Variants in CFAP52 observed in about 807,000 individuals in gnomAD.
CFAP52 encodes cilia- and flagella-associated protein 52.
In CFAP52, 57 loss-of-function variants were observed where a neutral mutation model predicts 70.5. The ratio of observed to expected loss-of-function variants is 0.81; its 90% confidence interval spans 0.65 to 1.01. The LOEUF is 1.01. Among genes scored for constraint, CFAP52 ranks in the 50% least tolerant of loss-of-function variants. The probability of loss-of-function intolerance (pLI) is 0.00; values close to 1 mark genes in which losing one functional copy is unlikely to be tolerated. For missense variants in CFAP52, 785 were observed against 788.5 expected (o/e 1.00, Z 0.05); for synonymous variants, 267 against 292.5 (o/e 0.91, Z 0.89).
intron 7 of CFAP52, 76 bp from the exon 8 acceptor site, chr17:9,612,233 T>C: frequency 2.0e-6 from 3 of 1,535,456 alleles, no homozygotes. Flanking sequence ...ATTTGTATCC[T>C]CTGCCATGCT....
At chr17:9,579,631 G>C (rs187351706) in intron 1 of CFAP52, among the ~76,000 whole-genome samples, 1 of 152,164 alleles carries the variant, frequency 6.6e-6, no homozygotes, top group Non-Finnish European at 1.5e-5. Flanking sequence ...GCAGTGGTGC[G>C]ATCTCAGCTC....
rs1279142706 is a variant in CFAP52 at position 9,628,725 on chromosome 17, A to T, written c.1079A>T (p.His360Leu). The change falls in exon 9 of 14, where the codon CAC (histidine) becomes CTC (leucine). Residue 360 changes from histidine to leucine, a missense_variant. Physicochemically the swap from His to Leu is moderately conservative, Grantham distance 99. Transcript: ENST00000352665. ...TCAKKDIRVWHTSSNRELLRI... is the reference protein window; with the variant it reads ...TCAKKDIRVWLTSSNRELLRI... The stretch of plus-strand genomic sequence containing the variant: ...GCCAAGAAGGATATCAGGGTGTGGC[A>T]CACATCATCCAACAGGGAGCTGCTG... 6.2e-7 allele frequency: 1 copy of T among 1,614,060 alleles called. No homozygotes were observed. Among genetic ancestry groups the T allele is most frequent in the Non-Finnish European group, 8.5e-7 (1 of 1,180,048 alleles).
rs55849704 is a variant in CFAP52, at chr17:9,626,933, C to T, written c.1026-1739C>T. Among the ~76,000 whole-genome samples, 457 of 152,224 alleles carry T rather than the reference C, an allele frequency of 3.0e-3. 5 individuals are homozygous for T. The highest frequency in any genetic ancestry group is 0.01 in the Middle Eastern group (3 of 294). ...TGTTCATGAAAAAATGTAGACATTG[C>T]TTGAGATGTACTGAAATCTAAAAAT... On this transcript the variant is annotated intron_variant, in intron 8 of 13. Transcript: ENST00000352665.
At chr17:9,645,440 G>C (rs1911292124), downstream of CFAP52, 1 of 377,570 alleles carries the variant, frequency 2.6e-6, no homozygotes. This position sits in a 1 kb window ranked among gnomAD's most constrained non-coding sequence, Gnocchi z 6.8. Context: ...TGCCCTGGAG[G>C]GGGCTGGTCG....
chr17:9,638,889 C>T, intron 12 of CFAP52, 178 bp downstream of exon 12: 1 of 608,774 alleles, frequency 1.6e-6, no homozygotes, highest in South Asian at 2.0e-5. Context: ...CACTTCCCCA[C>T]CTGTTAAGTG....
chr17:9,587,508 T>C lies in CFAP52; in HGVS notation c.407+674T>C, dbSNP rs924722966. ...CCAACAGTACCTAAGCATTCCCTTT[T>C]CTTTGCAACCTCACCAGCATCTGTT... On this transcript the variant is annotated intron_variant, in intron 3 of 13. Coordinates refer to ENST00000352665, the MANE Select transcript of CFAP52 (RefSeq NM_145054.5). 6.6e-5 allele frequency among the ~76,000 whole-genome samples: 10 copies of C among 152,240 alleles called. 1 individual carries two copies. Among genetic ancestry groups the C allele is most frequent in the Non-Finnish European group, 1.2e-4 (8 of 68,044 alleles).
chr17:9,595,685 A>G (rs1010456048), intron 4 of CFAP52, among the ~76,000 whole-genome samples: 40 of 152,072 alleles, frequency 2.6e-4, no homozygotes, highest in Admixed American at 1.6e-3. Flanking sequence ...TCTGCATTCT[A>G]TGTCTGGTTT....
chr17:9,644,130 G>A (rs896847911), downstream of CFAP52, among the ~76,000 whole-genome samples: 1 of 152,302 alleles, frequency 6.6e-6, no homozygotes, highest in East Asian at 1.9e-4. Context: ...TTTTGAGACG[G>A]AATTTAGCTC....
Position 9,635,466 on chromosome 17 carries a change from A to G in CFAP52, c.1382A>G (p.Lys461Arg). 3 of 1,614,180 alleles carry G rather than the reference A, an allele frequency of 1.9e-6. No homozygotes were observed. Among genetic ancestry groups the G allele is most frequent in the Non-Finnish European group, 2.5e-6 (3 of 1,180,032 alleles). The change falls in exon 11 of 14, where the codon AAG becomes AGG. Residue 461 changes from lysine (K) to arginine (R), a missense_variant. Coordinates refer to ENST00000352665, the MANE Select transcript of CFAP52 (RefSeq NM_145054.5). Reference protein sequence around the residue: ...QKLEEALKEHKSSVSCIRVKR... With the variant: ...QKLEEALKEHRSSVSCIRVKR... ...CTGGAGGAGGCCCTGAAGGAACACA[A>G]GTCATCAGTGTCCTGCATTAGGGTG... is the stretch of plus-strand genomic sequence containing the variant.
chr17:9,624,494 G>A (rs1307170391), intron 8 of CFAP52, among the ~76,000 whole-genome samples: 1 of 151,896 alleles, frequency 6.6e-6, no homozygotes, highest in African/African-American at 2.4e-5. Context: ...ACCTATAGAA[G>A]AATATATAAT....
chr17:9,630,554 C>T lies in CFAP52; in HGVS notation c.1174+1734C>T, dbSNP rs377246653. On this transcript the variant is annotated intron_variant, in intron 9 of 13. Coordinates refer to ENST00000352665, the MANE Select transcript of CFAP52 (RefSeq NM_145054.5). ...ACGCCATTCTCCTGCCTCAGCCTCC[C>T]GAGTAGCTGGGACTACAGGCGCCCG... Among the ~76,000 whole-genome samples the T allele has an allele frequency of 6.7e-5, 10 of 149,830 alleles. 1 individual carries two copies. Among genetic ancestry groups the T allele is most frequent in the African/African-American group, 2.2e-4 (9 of 40,760 alleles).
intron 8 of CFAP52, among the ~76,000 whole-genome samples, chr17:9,622,552 A>AAAG (rs1555543657): frequency 0.015 from 2,309 of 151,422 alleles, 45 homozygotes; most frequent in African/African-American, 0.039. Flanking sequence ...ATTAAAAAAA[A>AAAG]AAGAAGAAGA....
intron 1 of CFAP52, among the ~76,000 whole-genome samples, chr17:9,578,493 T>C (rs1908068298): frequency 6.6e-6 from 1 of 152,224 alleles, no homozygotes; most frequent in Non-Finnish European, 1.5e-5. Context: ...ATTGCTTATC[T>C]CAAGATAAGT....
intron 12 of CFAP52, among the ~76,000 whole-genome samples, chr17:9,639,477 G>T (rs1910962902): frequency 6.6e-6 from 1 of 151,870 alleles, no homozygotes. Context: ...CCCAGCTAAA[G>T]AGGAAGGTGA....
At chr17:9,584,758 A>G (rs1322780722) in intron 1 of CFAP52, among the ~76,000 whole-genome samples, 1 of 151,884 alleles carries the variant, frequency 6.6e-6, no homozygotes, top group Non-Finnish European at 1.5e-5. Flanking sequence ...AGTAGCTGGG[A>G]TTACAGGTGC....
intron 12 of CFAP52, among the ~76,000 whole-genome samples, chr17:9,641,511 G>A: frequency 6.6e-6 from 1 of 152,130 alleles, no homozygotes; most frequent in East Asian, 1.9e-4. Flanking sequence ...ACATCAACAT[G>A]TCTTTAAATA....
intron 8 of CFAP52, among the ~76,000 whole-genome samples, chr17:9,625,451 C>A (rs1308617359): frequency 1.3e-5 from 2 of 151,120 alleles, no homozygotes; most frequent in South Asian, 4.2e-4. Flanking sequence ...AATTTAGCTA[C>A]CCAACAGAGA....
In CFAP52 at chr17:9,640,308, G is replaced by A. The variant is rs150594521; in HGVS notation, c.1576-1416G>A. Reference sequence around the variant, plus strand: ...TTTGTTCCATAGGTAAACATGTGCCGTGGTGGTTTGCTGTACGGATCATCC... The same window carrying A: ...TTTGTTCCATAGGTAAACATGTGCCATGGTGGTTTGCTGTACGGATCATCC... On this transcript the variant is annotated intron_variant, in intron 12 of 13. Coordinates refer to ENST00000352665, the MANE Select transcript of CFAP52 (RefSeq NM_145054.5). Among the ~76,000 whole-genome samples, 607 of 149,822 alleles carry A rather than the reference G, an allele frequency of 4.1e-3. 3 individuals carry two copies. The highest frequency in any genetic ancestry group is 0.011 in the African/African-American group (466 of 40,598).
chr17:9,577,481 T>G (rs890855870), intron 1 of CFAP52, among the ~76,000 whole-genome samples: 25 of 152,180 alleles, frequency 1.6e-4, no homozygotes, highest in African/African-American at 5.8e-4. Flanking sequence ...GGGTTTTGGT[T>G]TTTTGAGGGA....
Sources: gnomAD v4.1 joint callset for allele counts (sites outside exome capture counted in the v4.1 genomes callset) on GRCh38, gnomAD v4.1.1 for gene constraint, Gnocchi (gnomAD v3.1) non-coding constraint, MANE v1.5 for transcripts, NCBI Gene and HGNC (gene_info 2026-07-23, HGNC 2026-07-21) for gene names.